The following ENTHD1 variants were observed in gnomAD, a reference collection of about 807,000 sequenced individuals.
The protein encoded by ENTHD1 is ENTH domain containing 1, also known as ENTH domain-containing protein 1.
Under a neutral mutation model 39.1 loss-of-function variants are expected in ENTHD1, and 23 were observed. That is an observed-to-expected ratio of 0.59 (90% confidence interval 0.42 to 0.83). The LOEUF (loss-of-function observed/expected upper bound fraction) is 0.83, where lower values mean the gene tolerates loss of function less well. ENTHD1 is among the 40% of genes least tolerant of loss of function. The pLI is 0.00. For missense variants in ENTHD1, 624 were observed against 705.4 expected (o/e 0.88, Z 1.31); for synonymous variants, 230 against 258.2 (o/e 0.89, Z 1.05).
At chr22:39,750,358 T>A (rs2065138651) in intron 6 of ENTHD1, 2 of 166,362 alleles carry the variant, frequency 1.2e-5, no homozygotes, top group Admixed American at 6.0e-5. Context: ...GGAAGCCAGT[T>A]TTCTCAGATT....
At chr22:39,888,145 T>C (rs2066397340) in intron 1 of ENTHD1, among the ~76,000 whole-genome samples, 1 of 152,006 alleles carries the variant, frequency 6.6e-6, no homozygotes, top group African/African-American at 2.4e-5. Flanking sequence ...GGAGAAAATA[T>C]CATTCAACCT....
chr22:39,790,031 G>C (rs2065491672), intron 5 of ENTHD1, among the ~76,000 whole-genome samples: 1 of 151,986 alleles, frequency 6.6e-6, no homozygotes, highest in South Asian at 2.1e-4. Flanking sequence ...GGAGGGGGCT[G>C]GACACGTTCC....
intron 3 of ENTHD1, among the ~76,000 whole-genome samples, chr22:39,837,210 C>T (rs543605184): frequency 1.3e-5 from 2 of 152,180 alleles, no homozygotes; most frequent in South Asian, 4.1e-4. Flanking sequence ...GAAAAACTAC[C>T]TTCAAATTGG....
chr22:39,820,930 C>T (rs1262417288), intron 5 of ENTHD1, 63 bp downstream of exon 5: 15 of 1,583,054 alleles, frequency 9.5e-6, no homozygotes, highest in South Asian at 5.6e-5. Context: ...TAGAAGCCAA[C>T]GGTTGCTGTA....
intron 3 of ENTHD1, among the ~76,000 whole-genome samples, chr22:39,840,785 C>T (rs976797484): frequency 6.6e-6 from 1 of 151,382 alleles, no homozygotes; most frequent in Non-Finnish European, 1.5e-5. Flanking sequence ...GACGGAGTCT[C>T]GCTCTGTCGC....
chr22:39,847,337 A>G (rs1850868688), intron 3 of ENTHD1, among the ~76,000 whole-genome samples: 1 of 123,930 alleles, frequency 8.1e-6, no homozygotes. Context: ...ACATGGACAC[A>G]GGAAGGGGAA....
At chr22:39,834,025 C>T (rs980130588) in intron 4 of ENTHD1, among the ~76,000 whole-genome samples, 8 of 150,094 alleles carry the variant, frequency 5.3e-5, no homozygotes, top group Non-Finnish European at 5.9e-5. Context: ...AAATAGATCA[C>T]AGACCTAAAC....
chr22:39,834,276 A>C (rs543760046), intron 4 of ENTHD1, among the ~76,000 whole-genome samples: 4 of 152,320 alleles, frequency 2.6e-5, no homozygotes, highest in African/African-American at 4.8e-5. Flanking sequence ...AGAACTCAAA[A>C]CTCAATGGTA....
Position 39,887,499 on chromosome 22 carries a change from T to G in ENTHD1, c.250A>C (p.Asn84His). The change falls in exon 2 of 7, where the codon AAT becomes CAT. Residue 84 changes from asparagine to histidine, a missense_variant. Coordinates refer to ENST00000325157, the MANE Select transcript of ENTHD1 (RefSeq NM_152512.4). ...TGCTGAATAACTTTCTTTGATCCAT[T>G]CTTGATGAGATAATCCATTAGGGTA... ...SLTLMDYLIK[N>H]GSKKVIQHCR... is the part of the protein sequence containing the mutation. The G allele has an allele frequency of 6.2e-7, 1 of 1,614,194 alleles. No homozygotes were observed. Among genetic ancestry groups the G allele is most frequent in the South Asian group, 1.1e-5 (1 of 91,086 alleles).
At chr22:39,765,007 G>A (rs925509062) in intron 6 of ENTHD1, among the ~76,000 whole-genome samples, 9 of 152,000 alleles carry the variant, frequency 5.9e-5, no homozygotes, top group African/African-American at 1.2e-4. Context: ...CAGAACCCAC[G>A]GTGATGAATT....
At chr22:39,887,377 A>G (rs770088346) in intron 2 of ENTHD1, 23 bp downstream of exon 2, 3 of 1,569,994 alleles carry the variant, frequency 1.9e-6, no homozygotes, top group Admixed American at 1.8e-5. Context: ...CACCCAGCTT[A>G]TATAAACTTC....
At chr22:39,886,952 T>C (rs1396180288) in intron 2 of ENTHD1, among the ~76,000 whole-genome samples, 2 of 152,348 alleles carry the variant, frequency 1.3e-5, no homozygotes, top group East Asian at 3.9e-4. Flanking sequence ...ATGCCTCCTA[T>C]TTTATTCACT....
chr22:39,844,230 G>A (rs544100173), intron 3 of ENTHD1, among the ~76,000 whole-genome samples: 11 of 152,258 alleles, frequency 7.2e-5, no homozygotes, highest in Admixed American at 3.3e-4. Context: ...AGATGTTTAA[G>A]TAGATTTTTA....
intron 3 of ENTHD1, among the ~76,000 whole-genome samples, chr22:39,858,594 G>A (rs2070731639): frequency 6.6e-6 from 1 of 152,200 alleles, no homozygotes; most frequent in African/African-American, 2.4e-5. Context: ...ATAGCTTTAT[G>A]AAATGTATTT....
In ENTHD1 at chr22:39,743,718, C is replaced by T. The variant is rs2065077910; in HGVS notation, c.1785G>A (p.Gln595=). Residue 595 remains glutamine, a synonymous_variant, in exon 7 of 7, where the codon CAG becomes CAA. Transcript: ENST00000325157. The stretch of plus-strand genomic sequence containing the variant: ...AGCTCCCCTCAGAAGACTGGGGGAC[C>T]TGGGAAGACTGGCTTATTTGTGAAC... ...LNSSQISQSS[Q]VPQSSEGSSD... 6.2e-7 allele frequency: 1 copy of T among 1,613,350 alleles called. No homozygotes were observed. The highest frequency in any genetic ancestry group is 1.3e-5 in the African/African-American group (1 of 74,874).
intron 2 of ENTHD1, among the ~76,000 whole-genome samples, chr22:39,866,337 G>T (rs2066181347): frequency 1.3e-5 from 2 of 152,210 alleles, no homozygotes; most frequent in African/African-American, 2.4e-5. Flanking sequence ...AGTATTCTAA[G>T]CAATGGGGGT....
intron 5 of ENTHD1, among the ~76,000 whole-genome samples, chr22:39,801,744 T>C (rs2065600152): frequency 1.3e-5 from 2 of 152,130 alleles, no homozygotes; most frequent in African/African-American, 4.8e-5. Context: ...ACTAGATTTC[T>C]CCCAGAATTT....
At chr22:39,831,622 C>T (rs948333318) in intron 4 of ENTHD1, among the ~76,000 whole-genome samples, 4 of 151,980 alleles carry the variant, frequency 2.6e-5, no homozygotes, top group African/African-American at 9.7e-5. Context: ...GTCAGGAGTT[C>T]AAGACCAGCC....
intron 5 of ENTHD1, among the ~76,000 whole-genome samples, chr22:39,773,047 G>A (rs919106230): frequency 6.9e-6 from 1 of 144,554 alleles, no homozygotes; most frequent in Non-Finnish European, 1.5e-5. Context: ...ATTTTGGGAG[G>A]CCAAAGCAGG....
Sources: allele counts gnomAD v4.1 joint callset (sites outside exome capture counted in the v4.1 genomes callset), GRCh38; gene constraint gnomAD v4.1.1; transcripts MANE v1.5; gene names NCBI Gene and HGNC (gene_info 2026-07-23, HGNC 2026-07-21).